NEBL: variants seen among roughly 807,000 people sequenced by gnomAD.
NEBL encodes nebulette.
In NEBL, 122 loss-of-function variants were observed where a neutral mutation model predicts 140.2. The observed-to-expected ratio is 0.87, with a 90% CI of 0.75 to 1.01. The LOEUF is 1.01. NEBL is among the 50% of genes least tolerant of loss of function. The probability of loss-of-function intolerance (pLI) is 0.00; values close to 1 mark genes in which losing one functional copy is unlikely to be tolerated. For synonymous variants in NEBL, 436 were observed against 398.9 expected (o/e 1.09, Z -1.11); for missense variants, 1,365 against 1,231.3 (o/e 1.11, Z -1.62).
intron 12 of NEBL, among the ~76,000 whole-genome samples, chr10:20,841,997 A>G (rs1469107530): frequency 6.6e-6 from 1 of 152,078 alleles, no homozygotes; most frequent in Non-Finnish European, 1.5e-5. Flanking sequence ...TTGTTTTCTT[A>G]CTTAATTGCG....
chr10:21,246,394 C>A (rs1255891785), intron 3 of NEBL, among the ~76,000 whole-genome samples: 1 of 152,186 alleles, frequency 6.6e-6, no homozygotes, highest in Non-Finnish European at 1.5e-5. Context: ...TTACGTCATA[C>A]AAAAACTGGG....
intron 1 of NEBL, among the ~76,000 whole-genome samples, chr10:21,275,006 T>C (rs941426710): frequency 1.3e-5 from 2 of 152,010 alleles, no homozygotes; most frequent in Admixed American, 6.6e-5. Context: ...AGAAAGTCCA[T>C]GTGTAAGTGG....
intron 2 of NEBL, chr10:21,146,442 C>A (rs775440435): frequency 4.2e-5 from 68 of 1,613,370 alleles, no homozygotes; most frequent in Admixed American, 1.0e-4. Context: ...AGAGGACAGC[C>A]AATATCTTCA....
chr10:21,076,557 A>G (rs1836099910), intron 2 of NEBL, among the ~76,000 whole-genome samples: 1 of 152,046 alleles, frequency 6.6e-6, no homozygotes, highest in Admixed American at 6.6e-5. Flanking sequence ...AAATATTTAT[A>G]CATCCATGGT....
At chr10:20,996,275 T>C (rs963149364) in intron 3 of NEBL, among the ~76,000 whole-genome samples, 7 of 152,190 alleles carry the variant, frequency 4.6e-5, no homozygotes, top group Non-Finnish European at 1.0e-4. Context: ...TAACAAATTT[T>C]GGGGATATGA....
At chr10:21,165,595 C>T (rs7082620) in intron 2 of NEBL, among the ~76,000 whole-genome samples, 128 of 152,364 alleles carry the variant, frequency 8.4e-4, no homozygotes, top group Middle Eastern at 3.4e-3. Flanking sequence ...ATGCCAGGCT[C>T]ATCTACGGCC....
chr10:20,799,719 T>C lies in NEBL; in HGVS notation c.2761+8791A>G, dbSNP rs117275901. ...ATCTTGAAGGGTCACCAATCAGTAG[T>C]CAGAAAACCGAAGCAGTGGCTAAAA... On this transcript the variant is annotated intron_variant, in intron 26 of 27. Transcript: ENST00000377122. Among the ~76,000 whole-genome samples the C allele has an allele frequency of 2.5e-3, 383 of 152,274 alleles. 10 individuals are homozygous for C. In the East Asian group the frequency reaches 0.064, roughly 26 times the overall value.
intron 6 of NEBL, 42 bp from the exon 7 acceptor site, chr10:20,868,807 C>G (rs1564403003): frequency 3.6e-6 from 5 of 1,377,718 alleles, no homozygotes; most frequent in Non-Finnish European, 5.2e-6. Context: ...TTTCTACCCT[C>G]CAATGATGAA....
chr10:20,851,970 A>G (rs111787836), intron 10 of NEBL, among the ~76,000 whole-genome samples: 5,534 of 115,656 alleles, frequency 0.048, 155 homozygotes, highest in Middle Eastern at 0.077. Flanking sequence ...TTATCTTAAC[A>G]GATGCTGGAA....
At chr10:20,899,684 A>G (rs567801299), upstream of NEBL, 1 of 298,224 alleles carries the variant, frequency 3.4e-6, no homozygotes, top group African/African-American at 2.2e-5. Flanking sequence ...AAGCACTAGG[A>G]TCAGAACCTA....
chr10:20,964,946 T>C (rs1306338616), intron 3 of NEBL, among the ~76,000 whole-genome samples: 1 of 152,230 alleles, frequency 6.6e-6, no homozygotes, highest in Admixed American at 6.5e-5. Context: ...AGCCCCCGTG[T>C]CCATGTGTTG....
chr10:20,806,769 T>C (rs1837652349), intron 26 of NEBL, among the ~76,000 whole-genome samples: 1 of 152,132 alleles, frequency 6.6e-6, no homozygotes, highest in Admixed American at 6.5e-5. Context: ...AAACATTTGG[T>C]GACTAAATGA....
intron 19 of NEBL, among the ~76,000 whole-genome samples, chr10:20,819,872 G>A (rs756285563): frequency 3.7e-4 from 56 of 152,032 alleles, no homozygotes; most frequent in South Asian, 2.1e-4. Flanking sequence ...TTACAGGTGT[G>A]AGCCACCACA....
intron 2 of NEBL, among the ~76,000 whole-genome samples, chr10:21,038,372 C>A (rs1834103663): frequency 6.6e-6 from 1 of 152,092 alleles, no homozygotes; most frequent in Non-Finnish European, 1.5e-5. Context: ...TACTGCCAGC[C>A]CCTGGCAGGC....
upstream of NEBL, among the ~76,000 whole-genome samples, chr10:21,176,129 A>C (rs74689835): frequency 3.8e-3 from 580 of 151,958 alleles, 4 homozygotes; most frequent in African/African-American, 0.013. Context: ...CAGTCTCCTG[A>C]GTACCTGCGA....
At chr10:21,145,388 G>A (rs1451846727) in intron 2 of NEBL, among the ~76,000 whole-genome samples, 1 of 152,204 alleles carries the variant, frequency 6.6e-6, no homozygotes, top group Non-Finnish European at 1.5e-5. Flanking sequence ...TTAAATAAAT[G>A]ATGGAACACC....
chr10:20,796,589 G>C (rs890270612), intron 26 of NEBL, among the ~76,000 whole-genome samples: 4 of 152,024 alleles, frequency 2.6e-5, no homozygotes, highest in Admixed American at 1.3e-4. Context: ...TGACAGAACT[G>C]AGCTAAACCA....
At chr10:21,226,486 T>A (rs776161664) in intron 3 of NEBL, among the ~76,000 whole-genome samples, 7 of 152,136 alleles carry the variant, frequency 4.6e-5, no homozygotes, top group Non-Finnish European at 7.4e-5. Context: ...AGACTGCCTT[T>A]CAAGTTTATT....
chr10:20,791,440 G>C (rs149176047), intron 26 of NEBL, among the ~76,000 whole-genome samples: 92 of 152,262 alleles, frequency 6.0e-4, no homozygotes, highest in Middle Eastern at 3.4e-3. Context: ...GTCTCACTCT[G>C]TCACCCAGGC....
Sources: allele counts gnomAD v4.1 joint callset (sites outside exome capture counted in the v4.1 genomes callset), GRCh38; gene constraint gnomAD v4.1.1; transcripts MANE v1.5; gene names NCBI Gene and HGNC (gene_info 2026-07-23, HGNC 2026-07-21).